Variants in KCNQ1 observed in about 807,000 individuals in gnomAD.
KCNQ1 encodes potassium voltage-gated channel subfamily KQT member 1.
In KCNQ1, 49 loss-of-function variants were observed where a neutral mutation model predicts 72.4. That is an observed-to-expected ratio of 0.68 (90% confidence interval 0.54 to 0.86). The LOEUF (loss-of-function observed/expected upper bound fraction) is 0.86. Among genes scored for constraint, KCNQ1 ranks in the 40% least tolerant of loss-of-function variants. KCNQ1 has a pLI of 0.00. For missense variants in KCNQ1, 790 were observed against 945.1 expected (o/e 0.84, Z 2.15); for synonymous variants, 450 against 412.6 (o/e 1.09, Z -1.10).
At chr11:2,777,611 C>CG (rs34601797) in intron 14 of KCNQ1, 189,019 of 516,310 alleles carry the variant, frequency 0.37, 32,815 homozygotes, top group South Asian at 0.53. Flanking sequence ...GCTGGTGTAA[C>CG]GGAGCAGCGG....
In KCNQ1 at chr11:2,494,970, G is replaced by T. The variant is rs1846886660; in HGVS notation, c.387-32958G>T. 3.3e-5 allele frequency among the ~76,000 whole-genome samples: 5 copies of T among 152,092 alleles called. No homozygotes were observed. The highest frequency in any genetic ancestry group is 3.3e-4 in the Admixed American group (5 of 15,276). ...TTTGGGTGTGAATCCGTCTGGTCCTGGGCTTTTTTTGGTTGGCAGGCTATT... is the reference window on the plus strand; with the variant it reads ...TTTGGGTGTGAATCCGTCTGGTCCTTGGCTTTTTTTGGTTGGCAGGCTATT... On this transcript the variant is annotated intron_variant, in intron 1 of 15. Coordinates refer to ENST00000155840, the MANE Select transcript of KCNQ1 (RefSeq NM_000218.3). This position sits in a 1 kb window ranked among gnomAD's most constrained non-coding sequence, Gnocchi z 4.6.
intron 1 of KCNQ1, among the ~76,000 whole-genome samples, chr11:2,459,359 C>T (rs1005991770): frequency 1.3e-5 from 2 of 152,094 alleles, no homozygotes; most frequent in Non-Finnish European, 2.9e-5. Context: ...ATAACAGGGG[C>T]AGGGGTGGGG....
chr11:2,721,201 A>G (rs1195994869), intron 11 of KCNQ1, among the ~76,000 whole-genome samples: 2 of 152,172 alleles, frequency 1.3e-5, no homozygotes, highest in South Asian at 2.1e-4. Flanking sequence ...AAGTTACGAA[A>G]CATCCAGCAG....
At position 2,767,336 on chromosome 11, in the gene KCNQ1, C is replaced by T. The variant is rs761668884; in HGVS notation, c.1515-1508C>T. Among the ~76,000 whole-genome samples the T allele has an allele frequency of 6.6e-6, 1 of 152,164 alleles. No individual in the cohort carries two copies. Among genetic ancestry groups the T allele is most frequent in the Non-Finnish European group, 1.5e-5 (1 of 68,036 alleles). The stretch of plus-strand genomic sequence containing the variant: ...TTTGCAGGGCCACATTCCAAAAGGA[C>T]ATGAATTATATACCGTGTACATTCC... On this transcript the variant is annotated intron_variant, in intron 11 of 15. Transcript: ENST00000155840. The surrounding 1 kb of genome is among the most constrained non-coding windows in gnomAD (Gnocchi z 4.6).
chr11:2,615,749 A>G (rs572084114), intron 10 of KCNQ1: 41 of 398,088 alleles, frequency 1.0e-4, no homozygotes, highest in Admixed American at 7.9e-4. Context: ...GTCATGATAT[A>G]TAATCCTTTT....
rs1473646595 is a variant in KCNQ1, at chr11:2,724,678, CTG to C, written c.1515-44163_1515-44162del. ...TCACTTCGCTCCCCAGGAGGCGACA[CTG>C]TGATTGTCCTGGGCTCACAGAGGAG... On this transcript the variant is annotated intron_variant, in intron 11 of 15. Transcript: ENST00000155840. This position sits in a 1 kb window ranked among gnomAD's most constrained non-coding sequence, Gnocchi z 6.8. Among the ~76,000 whole-genome samples, 1 of 152,236 alleles carries C rather than the reference CTG, an allele frequency of 6.6e-6. No individual in the cohort carries two copies. Among genetic ancestry groups the C allele is most frequent in the Admixed American group, 6.5e-5 (1 of 15,292 alleles).
chr11:2,645,232 T>G lies in KCNQ1; in HGVS notation c.1394-16729T>G. The G allele has an allele frequency of 2.5e-6, 1 of 398,556 alleles. No homozygotes were observed. Among genetic ancestry groups the G allele is most frequent in the Admixed American group, 4.4e-5 (1 of 22,722 alleles). 24.7% of individuals were successfully genotyped at this position (398,556 alleles called of 1,614,324 possible). A position where few individuals can be genotyped will look rare whatever the true frequency, so the allele number is the denominator to read the frequency against. On this transcript the variant is annotated intron_variant, in intron 10 of 15. Coordinates refer to ENST00000155840, the MANE Select transcript of KCNQ1 (RefSeq NM_000218.3). This position sits in a 1 kb window ranked among gnomAD's most constrained non-coding sequence, Gnocchi z 5.8. ...GTCCCAAGGCCCACAGGTGGCAAAT[T>G]CAAGTGAATGCCAGTTGTGGTGGTA...
chr11:2,540,747 C>G (rs1044714540), intron 2 of KCNQ1, among the ~76,000 whole-genome samples: 3 of 152,196 alleles, frequency 2.0e-5, no homozygotes, highest in African/African-American at 7.2e-5. Context: ...TTTGTGCCCT[C>G]TAGGGTGGCA....
chr11:2,836,414 A>T (rs1848066841), intron 15 of KCNQ1, among the ~76,000 whole-genome samples: 1 of 152,124 alleles, frequency 6.6e-6, no homozygotes. Flanking sequence ...TTCACCCAGG[A>T]GGTAGAGGGT....
In KCNQ1 at chr11:2,450,724, A is replaced by G. The variant is rs1455002272; in HGVS notation, c.386+5240A>G. Among the ~76,000 whole-genome samples, 1 of 152,082 alleles carries G rather than the reference A, an allele frequency of 6.6e-6. No homozygotes were observed. The highest frequency in any genetic ancestry group is 1.5e-5 in the Non-Finnish European group (1 of 67,998). ...AGAAACCCCAGACCTCACAGATGCAAAATTATCGTGGTTGACAAAGGGAGG... is the reference window on the plus strand; with the variant it reads ...AGAAACCCCAGACCTCACAGATGCAGAATTATCGTGGTTGACAAAGGGAGG... On this transcript the variant is annotated intron_variant, in intron 1 of 15. Transcript: ENST00000155840. This position sits in a 1 kb window ranked among gnomAD's most constrained non-coding sequence, Gnocchi z 7.9.
At chr11:2,646,424 T>C (rs1346637530) in intron 10 of KCNQ1, 3 of 398,534 alleles carry the variant, frequency 7.5e-6, no homozygotes, top group African/African-American at 6.2e-5. Flanking sequence ...TTCACCTCCT[T>C]GGTTAAGCTT....
At position 2,679,088 on chromosome 11, in the gene KCNQ1, T is replaced by C; in HGVS notation, c.1514+17007T>C. 2.5e-6 allele frequency: 1 copy of C among 398,652 alleles called. No homozygotes were observed. Among genetic ancestry groups the C allele is most frequent in the East Asian group, 3.6e-5 (1 of 28,086 alleles). The allele number at this position is 398,652 out of a possible 1,614,324, so 24.7% of individuals were successfully genotyped here. A position where few individuals can be genotyped will look rare whatever the true frequency, so the allele number is the denominator to read the frequency against. ...AACCCACTAACACCATAAAGTGTCATAGCTAGAGCTAGAGTGCTGTTATAA... is the reference window on the plus strand; with the variant it reads ...AACCCACTAACACCATAAAGTGTCACAGCTAGAGCTAGAGTGCTGTTATAA... On this transcript the variant is annotated intron_variant, in intron 11 of 15. Transcript: ENST00000155840. The surrounding 1 kb of genome is among the most constrained non-coding windows in gnomAD (Gnocchi z 4.8).
rs559788729 is a variant in KCNQ1, at chr11:2,481,634, G to C, written c.386+36150G>C. Reference sequence around the variant, plus strand: ...GTCACTCCCCATCACTCGCATTACCGCGTGAGCTCTGCCTCCTATCAGATC... The same window carrying C: ...GTCACTCCCCATCACTCGCATTACCCCGTGAGCTCTGCCTCCTATCAGATC... On this transcript the variant is annotated intron_variant, in intron 1 of 15. Transcript: ENST00000155840. The surrounding 1 kb of genome is among the most constrained non-coding windows in gnomAD (Gnocchi z 4.6). 1.4e-4 allele frequency among the ~76,000 whole-genome samples: 22 copies of C among 152,288 alleles called. No individual in the cohort carries two copies. The highest frequency in any genetic ancestry group is 1.0e-3 in the South Asian group (5 of 4,826).
intron 10 of KCNQ1, chr11:2,622,442 A>G: frequency 2.5e-6 from 1 of 398,378 alleles, no homozygotes; most frequent in Non-Finnish European, 4.4e-6. Flanking sequence ...GTGTCTTTAG[A>G]CCAAAAGTGA....
Position 2,627,734 on chromosome 11 carries a change from TAC to T in KCNQ1, c.1394-34214_1394-34213del, listed in dbSNP as rs368697384. The stretch of plus-strand genomic sequence containing the variant: ...ATGTGTTTATTTGGGAATTTGGTGA[TAC>T]ACACACACACACTATTTTCTTCCTT... On this transcript the variant is annotated intron_variant, in intron 10 of 15. Coordinates refer to ENST00000155840, the MANE Select transcript of KCNQ1 (RefSeq NM_000218.3). This position sits in a 1 kb window ranked among gnomAD's most constrained non-coding sequence, Gnocchi z 4.9. The T allele has an allele frequency of 3.3e-5, 13 of 396,886 alleles. No individual in the cohort carries two copies. Among genetic ancestry groups the T allele is most frequent in the South Asian group, 2.6e-4 (2 of 7,784 alleles). The allele number at this position is 396,886 out of a possible 1,614,324, so 24.6% of individuals were successfully genotyped here.
intron 10 of KCNQ1, chr11:2,622,366 C>T (rs893629357): frequency 1.3e-5 from 5 of 398,146 alleles, no homozygotes; most frequent in African/African-American, 4.1e-5. Flanking sequence ...ATAATTACCT[C>T]CAGCTTTCTT....
At chr11:2,825,813 C>A (rs754944915) in intron 15 of KCNQ1, among the ~76,000 whole-genome samples, 1 of 152,198 alleles carries the variant, frequency 6.6e-6, no homozygotes, top group Admixed American at 6.5e-5. Context: ...GCGGCCTCCA[C>A]GCCAGGGACT....
chr11:2,790,198 A>C (rs1237660405), intron 15 of KCNQ1, among the ~76,000 whole-genome samples: 1 of 152,038 alleles, frequency 6.6e-6, no homozygotes, highest in African/African-American at 2.4e-5. Context: ...GAGAGTGCCC[A>C]GCTCAGAGGA....
intron 15 of KCNQ1, among the ~76,000 whole-genome samples, chr11:2,839,056 C>G (rs411304): frequency 5.3e-5 from 8 of 152,188 alleles, no homozygotes; most frequent in Non-Finnish European, 8.8e-5. Context: ...GCCTCGGGCT[C>G]TTGGACAGAG....
Sources: allele counts gnomAD v4.1 joint callset (sites outside exome capture counted in the v4.1 genomes callset), GRCh38; gene constraint gnomAD v4.1.1; non-coding constraint Gnocchi (gnomAD v3.1); transcripts MANE v1.5; gene names NCBI Gene and HGNC (gene_info 2026-07-23, HGNC 2026-07-21).